Variants in ERC2 observed in about 807,000 individuals in gnomAD.
The protein encoded by ERC2 is ELKS/RAB6-interacting/CAST family member 2, also known as ERC protein 2.
In ERC2, 42 loss-of-function variants were observed where a neutral mutation model predicts 114.8. That is an observed-to-expected ratio of 0.37 (90% CI 0.29 to 0.47). The LOEUF (loss-of-function observed/expected upper bound fraction) is 0.47, where lower values mean the gene tolerates loss of function less well. ERC2 is among the 20% of genes least tolerant of loss of function. The pLI, the probability that ERC2 is intolerant of heterozygous loss-of-function variation, is 0.99. For missense variants in ERC2, 939 were observed against 1,150.7 expected (o/e 0.82, Z 2.66); for synonymous variants, 454 against 425.5 (o/e 1.07, Z -0.82).
At chr3:56,250,801 A>C (rs2052093857) in intron 3 of ERC2, among the ~76,000 whole-genome samples, 1 of 152,218 alleles carries the variant, frequency 6.6e-6, no homozygotes. Context: ...GGCACACTTA[A>C]ATGGATGTGT....
At chr3:56,094,271 T>C (rs1159113070) in intron 6 of ERC2, among the ~76,000 whole-genome samples, 4 of 152,178 alleles carry the variant, frequency 2.6e-5, no homozygotes, top group Non-Finnish European at 4.4e-5. Flanking sequence ...AGTCTGCTGA[T>C]ACTTTTGAGA....
chr3:55,915,636 C>T (rs2065050563), intron 13 of ERC2, among the ~76,000 whole-genome samples: 1 of 152,112 alleles, frequency 6.6e-6, no homozygotes, highest in Non-Finnish European at 1.5e-5. Flanking sequence ...TGTCAATACA[C>T]CTGACAAGTA....
chr3:56,404,034 C>T (rs1481967979), intron 2 of ERC2, among the ~76,000 whole-genome samples: 2 of 152,220 alleles, frequency 1.3e-5, no homozygotes, highest in Non-Finnish European at 2.9e-5. Flanking sequence ...TCAGCAGGTT[C>T]CTTGGGCCTT....
chr3:56,230,880 T>G (rs944459837), intron 3 of ERC2, among the ~76,000 whole-genome samples: 4 of 152,228 alleles, frequency 2.6e-5, no homozygotes, highest in African/African-American at 7.2e-5. Flanking sequence ...CTTATACATA[T>G]TATTGAAATA....
intron 8 of ERC2, among the ~76,000 whole-genome samples, chr3:56,016,655 T>A (rs2073332955): frequency 1.3e-5 from 2 of 152,058 alleles, no homozygotes; most frequent in African/African-American, 4.8e-5. Flanking sequence ...TTCCTGGTAA[T>A]TCTGAAGTAA....
At chr3:55,821,553 T>C (rs1367274802) in intron 14 of ERC2, among the ~76,000 whole-genome samples, 1 of 152,192 alleles carries the variant, frequency 6.6e-6, no homozygotes, top group Non-Finnish European at 1.5e-5. Flanking sequence ...AGATTCACAG[T>C]GATGCACCCT....
intron 15 of ERC2, among the ~76,000 whole-genome samples, chr3:55,725,523 G>A (rs2064857961): frequency 6.6e-6 from 1 of 152,082 alleles, no homozygotes; most frequent in South Asian, 2.1e-4. Flanking sequence ...AAAAAAAATA[G>A]CACTTTGTCC....
intron 3 of ERC2, among the ~76,000 whole-genome samples, chr3:56,230,643 A>C (rs1481570549): frequency 6.6e-6 from 1 of 152,248 alleles, no homozygotes; most frequent in Non-Finnish European, 1.5e-5. Flanking sequence ...GCTCAGGAAA[A>C]AAAAAAGAAT....
chr3:55,812,049 C>G (rs1032096364), intron 14 of ERC2, among the ~76,000 whole-genome samples: 1 of 152,174 alleles, frequency 6.6e-6, no homozygotes, highest in Admixed American at 6.5e-5. Flanking sequence ...GTATGTTGCT[C>G]CCTTCCCTGT....
chr3:56,006,647 T>C (rs1321284481), intron 10 of ERC2, among the ~76,000 whole-genome samples: 2 of 152,106 alleles, frequency 1.3e-5, no homozygotes, highest in African/African-American at 4.8e-5. Flanking sequence ...GCCTTCTATC[T>C]ACAACAAGCT....
At chr3:55,726,583 C>T (rs73073190) in intron 15 of ERC2, among the ~76,000 whole-genome samples, 4,781 of 152,320 alleles carry the variant, frequency 0.031, 107 homozygotes, top group Non-Finnish European at 0.04. Context: ...TCTGCCTTCT[C>T]CCATTTTTTA....
intron 3 of ERC2, among the ~76,000 whole-genome samples, chr3:56,256,608 G>T (rs568558807): frequency 6.6e-6 from 1 of 152,028 alleles, no homozygotes; most frequent in African/African-American, 2.4e-5. Context: ...CCATGATACG[G>T]TTTAGCTTTG....
chr3:56,349,235 G>T (rs1360525841), intron 2 of ERC2, among the ~76,000 whole-genome samples: 1 of 152,104 alleles, frequency 6.6e-6, no homozygotes, highest in Non-Finnish European at 1.5e-5. Context: ...TGGTGACAAC[G>T]AAATTAGGGC....
chr3:55,939,552 C>T (rs886386810), intron 13 of ERC2, among the ~76,000 whole-genome samples: 1 of 152,182 alleles, frequency 6.6e-6, no homozygotes, highest in Non-Finnish European at 1.5e-5. Context: ...AGGCATTTGA[C>T]AAATGAAACC....
chr3:55,919,094 G>A (rs1031080897), intron 13 of ERC2, among the ~76,000 whole-genome samples: 2 of 152,174 alleles, frequency 1.3e-5, no homozygotes, highest in Non-Finnish European at 2.9e-5. Context: ...AAAGTATGAT[G>A]TAGGTAGGAT....
At chr3:56,104,616 C>G (rs1055997886) in intron 6 of ERC2, among the ~76,000 whole-genome samples, 29 of 141,846 alleles carry the variant, frequency 2.0e-4, no homozygotes, top group African/African-American at 6.9e-4. Flanking sequence ...AGGACTAGGA[C>G]ACATTCTAGA....
intron 4 of ERC2, among the ~76,000 whole-genome samples, chr3:56,160,846 T>C (rs1454675893): frequency 6.6e-6 from 1 of 152,248 alleles, no homozygotes; most frequent in Admixed American, 6.5e-5. Context: ...TGTGTCTGTT[T>C]TTATACCAAT....
chr3:56,049,818 ATGTGTGTGTGTGTGTGTGTGTGTG>A (rs3052672), intron 7 of ERC2, among the ~76,000 whole-genome samples: 3 of 145,208 alleles, frequency 2.1e-5, no homozygotes, highest in Non-Finnish European at 4.5e-5. Context: ...CCCATCATAT[ATGTGTGTGTGTGTGTGTGTGTGTG>A]TGTGTGTGTG....
intron 17 of ERC2, among the ~76,000 whole-genome samples, chr3:55,580,173 G>A (rs1470124529): frequency 6.6e-6 from 1 of 151,876 alleles, no homozygotes; most frequent in African/African-American, 2.4e-5. Context: ...ACCAAAGTGG[G>A]TTTTGCCACC....
Sources: allele counts gnomAD v4.1 joint callset (sites outside exome capture counted in the v4.1 genomes callset), GRCh38; gene constraint gnomAD v4.1.1; transcripts MANE v1.5; gene names NCBI Gene and HGNC (gene_info 2026-07-23, HGNC 2026-07-21).